Variants in CHLSN observed in about 807,000 individuals in gnomAD.
CHLSN encodes cholesin.
At chr7:979,217 C>T in the CHLSN span, among the ~76,000 whole-genome samples, 11 of 152,212 alleles carry the variant, frequency 7.2e-5, no homozygotes, top group South Asian at 1.0e-3. Context: ...CATTGCAATC[C>T]GGGAGGGTGT....
chr7:1,001,738 G>A, the CHLSN span, among the ~76,000 whole-genome samples: 1 of 94,638 alleles, frequency 1.1e-5, no homozygotes, highest in African/African-American at 4.6e-5. Flanking sequence ...CCTGTGGGTG[G>A]GGAGTCCTGT....
the CHLSN span, among the ~76,000 whole-genome samples, chr7:1,117,652 G>A: frequency 4.7e-4 from 63 of 133,140 alleles, 1 homozygote; most frequent in African/African-American, 1.7e-3. Flanking sequence ...TCTACGGACC[G>A]GCTTCCATCA....
At chr7:1,124,007 G>A in the CHLSN span, among the ~76,000 whole-genome samples, 733 of 152,284 alleles carry the variant, frequency 4.8e-3, 4 homozygotes, top group Non-Finnish European at 7.6e-3. Flanking sequence ...GCCAGTGGCC[G>A]GAAAGCCAAG....
chr7:1,016,663 G>GCATGCCAGCA, the CHLSN span, among the ~76,000 whole-genome samples: 2 of 57,592 alleles, frequency 3.5e-5, 1 homozygote, highest in African/African-American at 1.4e-4. Flanking sequence ...ACACAGCAGC[G>GCATGCCAGCA]CACAGCAGCA....
At chr7:998,882 G>T in the CHLSN span, among the ~76,000 whole-genome samples, 1 of 152,110 alleles carries the variant, frequency 6.6e-6, no homozygotes, top group African/African-American at 2.4e-5. Flanking sequence ...TAAGAGTTTT[G>T]GTTTTAGCTT....
chr7:1,000,154 G>T, the CHLSN span, among the ~76,000 whole-genome samples: 1 of 152,186 alleles, frequency 6.6e-6, no homozygotes, highest in South Asian at 2.1e-4. Flanking sequence ...CAAAGGCACC[G>T]GGAGACCTGC....
the CHLSN span, among the ~76,000 whole-genome samples, chr7:1,016,830 CA>C: frequency 9.1e-4 from 120 of 132,512 alleles, 19 homozygotes; most frequent in East Asian, 1.7e-3. Flanking sequence ...CAGCAGCGCA[CA>C]GCAGCGCACG....
At chr7:1,042,709 CT>C in the CHLSN span, among the ~76,000 whole-genome samples, 2 of 152,154 alleles carry the variant, frequency 1.3e-5, no homozygotes, top group Admixed American at 6.5e-5. Context: ...CAGAGCACCC[CT>C]GTGGGTAGGA....
chr7:1,035,589 A>G, the CHLSN span, among the ~76,000 whole-genome samples: 89 of 152,336 alleles, frequency 5.8e-4, no homozygotes, highest in African/African-American at 2.1e-3. Flanking sequence ...AATAGCAGTG[A>G]GGCACCGCAC....
At chr7:1,030,247 C>T in the CHLSN span, among the ~76,000 whole-genome samples, 1 of 152,210 alleles carries the variant, frequency 6.6e-6, no homozygotes, top group Non-Finnish European at 1.5e-5. Flanking sequence ...TCCATAAACG[C>T]GCCAATCCTG....
the CHLSN span, among the ~76,000 whole-genome samples, chr7:1,102,212 C>T: frequency 1.1e-4 from 17 of 152,394 alleles, no homozygotes; most frequent in Middle Eastern, 3.4e-3. Flanking sequence ...AGTCCACCCA[C>T]GAGCAAAGCC....
the CHLSN span, among the ~76,000 whole-genome samples, chr7:1,046,260 C>T: frequency 6.6e-6 from 1 of 152,322 alleles, no homozygotes; most frequent in South Asian, 2.1e-4. Context: ...AAAATAACTG[C>T]CGCCTGGCCT....
chr7:987,266 G>T, the CHLSN span: 3 of 1,505,540 alleles, frequency 2.0e-6, no homozygotes, highest in East Asian at 7.4e-5. Context: ...GGCGCCTGGC[G>T]AGACGGCTCC....
the CHLSN span, among the ~76,000 whole-genome samples, chr7:1,031,882 G>T: frequency 6.6e-6 from 1 of 152,032 alleles, no homozygotes; most frequent in Non-Finnish European, 1.5e-5. Context: ...CAGGTGCGGG[G>T]GGCGGCCAGC....
chr7:1,091,340 G>T, the CHLSN span: 1 of 181,946 alleles, frequency 5.5e-6, no homozygotes, highest in Non-Finnish European at 1.1e-5. Context: ...CCGGCCAGGG[G>T]AGCCAGGCCT....
chr7:1,134,192 G>A, the CHLSN span, among the ~76,000 whole-genome samples: 108 of 151,760 alleles, frequency 7.1e-4, 1 homozygote, highest in Non-Finnish European at 1.4e-3. Context: ...AGAATCACTT[G>A]AGCCTAGGAG....
At chr7:1,100,133 T>C in the CHLSN span, among the ~76,000 whole-genome samples, 1 of 152,194 alleles carries the variant, frequency 6.6e-6, no homozygotes, top group East Asian at 1.9e-4. Flanking sequence ...TGAGTGGAAA[T>C]GCTATACATG....
the CHLSN span, among the ~76,000 whole-genome samples, chr7:1,136,471 T>A: frequency 8.8e-6 from 1 of 113,994 alleles, no homozygotes; most frequent in Admixed American, 9.2e-5. Flanking sequence ...TAAACATATA[T>A]AAATATATAA....
chr7:1,016,919 G>GC, the CHLSN span, among the ~76,000 whole-genome samples: 1 of 77,386 alleles, frequency 1.3e-5, no homozygotes, highest in African/African-American at 6.6e-5. Flanking sequence ...CCAGCGCACA[G>GC]CAGCACACAG....
Sources: allele counts gnomAD v4.1 joint callset (sites outside exome capture counted in the v4.1 genomes callset), GRCh38; gene constraint gnomAD v4.1.1; transcripts MANE v1.5; gene names NCBI Gene and HGNC (gene_info 2026-07-23, HGNC 2026-07-21).